Variants in NFKB2 observed in about 807,000 individuals in gnomAD.
NFKB2 encodes nuclear factor NF-kappa-B p100 subunit.
Under a neutral mutation model 109.3 loss-of-function variants are expected in NFKB2, and 21 were observed. The ratio of observed to expected loss-of-function variants is 0.19; its 90% CI spans 0.14 to 0.28. The LOEUF is 0.28. Ranked by LOEUF, NFKB2 falls within the 10% of genes least tolerant of loss-of-function variation. The pLI is 1.00. For synonymous variants in NFKB2, 478 were observed against 489.9 expected, an observed-to-expected ratio of 0.98 and a Z score of 0.32; for missense variants, 806 against 1,185.3, an observed-to-expected ratio of 0.68 and a Z score of 4.70.
At position 102,401,054 on chromosome 10, in the gene NFKB2, GTC is replaced by G; in HGVS notation, c.2071+8_2071+9del. The G allele has an allele frequency of 6.2e-7, 1 of 1,614,094 alleles. No individual in the cohort carries two copies. The highest frequency in any genetic ancestry group is 1.1e-5 in the South Asian group (1 of 91,082). On this transcript the variant is annotated splice_donor_region_variant and intron_variant, in intron 18 of 22. Transcript: ENST00000661543. This position sits in a 1 kb window ranked among gnomAD's most constrained non-coding sequence, Gnocchi z 4.2. ...CCCGCCTCCTTCTGAAGGCTGGTCA[GTC>G]TCACCCTCAGGGGCACTTGAACAGG...
At position 102,401,865 on chromosome 10, in the gene NFKB2, A is replaced by G. The variant is rs954159052; in HGVS notation, c.2414A>G (p.Asp805Gly). ...CGTCTGGGGCTGCGCAGCCTGGTAG[A>G]CACGTACCGACAGACAACCTCACCC... ...AERLGLRSLV[D>G]TYRQTTSPSG... Residue 805 changes from aspartate to glycine, a missense_variant, in exon 21 of 23, where the codon GAC becomes GGC. Asp to Gly is a moderately conservative substitution (Grantham distance 94). Coordinates refer to ENST00000661543, the MANE Select transcript of NFKB2 (RefSeq NM_001322934.2). This position sits in a 1 kb window ranked among gnomAD's most constrained non-coding sequence, Gnocchi z 4.2. 1 of 1,613,874 alleles carries G rather than the reference A, an allele frequency of 6.2e-7. No individual in the cohort carries two copies. The highest frequency in any genetic ancestry group is 8.5e-7 in the Non-Finnish European group (1 of 1,179,920).
chr10:102,402,408 C>T lies in NFKB2; in HGVS notation c.*32C>T, dbSNP rs2061284102. On this transcript the variant is annotated 3_prime_UTR_variant, in exon 23 of 23. Transcript: ENST00000661543. Reference sequence around the variant, plus strand: ...GCCTGCCCCCAGCCCCCTTCCCGGACCCCCTGTACAGCGTCCCCACCTATT... The same window carrying T: ...GCCTGCCCCCAGCCCCCTTCCCGGATCCCCTGTACAGCGTCCCCACCTATT... 8 of 1,336,152 alleles carry T rather than the reference C, an allele frequency of 6.0e-6. No homozygotes were observed. The highest frequency in any genetic ancestry group is 2.2e-4 in the Middle Eastern group (1 of 4,600). The allele number at this position is 1,336,152 out of a possible 1,614,324, so 82.8% of individuals were successfully genotyped here.
Position 102,399,272 on chromosome 10 carries a change from C to G in NFKB2, c.1118-16C>G. On this transcript the variant is annotated splice_polypyrimidine_tract_variant and intron_variant, in intron 12 of 22. Coordinates refer to ENST00000661543, the MANE Select transcript of NFKB2 (RefSeq NM_001322934.2). Reference sequence around the variant, plus strand: ...TGGCTGGTGCCCGCTTCCCACAGCCCTGCCTGTATCCACAGGTGGCAGCCT... The same window carrying G: ...TGGCTGGTGCCCGCTTCCCACAGCCGTGCCTGTATCCACAGGTGGCAGCCT... The G allele has an allele frequency of 1.9e-6, 3 of 1,582,394 alleles. No homozygotes were observed. The highest frequency in any genetic ancestry group is 1.3e-5 in the African/African-American group (1 of 74,138).
Position 102,401,662 on chromosome 10 carries a change from T to C in NFKB2, c.2294-83T>C, listed in dbSNP as rs1335362713. 5.1e-5 allele frequency: 79 copies of C among 1,539,100 alleles called. No homozygotes were observed. Among genetic ancestry groups the C allele is most frequent in the Non-Finnish European group, 6.5e-5 (74 of 1,136,164 alleles). ...TCATGGTCCTGTCTGTCGCTTACCT[T>C]GGGAGAAAGGCAGTGTTCAGGTGTC... On this transcript the variant is annotated intron_variant, in intron 20 of 22. Transcript: ENST00000661543. This position sits in a 1 kb window ranked among gnomAD's most constrained non-coding sequence, Gnocchi z 4.2.
chr10:102,401,668 A>G lies in NFKB2; in HGVS notation c.2294-77A>G. ...TCCTGTCTGTCGCTTACCTTGGGAG[A>G]AAGGCAGTGTTCAGGTGTCCATGTC... On this transcript the variant is annotated intron_variant, in intron 20 of 22. Coordinates refer to ENST00000661543, the MANE Select transcript of NFKB2 (RefSeq NM_001322934.2). The surrounding 1 kb of genome is among the most constrained non-coding windows in gnomAD (Gnocchi z 4.2). 6.5e-7 allele frequency: 1 copy of G among 1,541,810 alleles called. No homozygotes were observed. Among genetic ancestry groups the G allele is most frequent in the South Asian group, 1.2e-5 (1 of 81,664 alleles).
intron 12 of NFKB2, 178 bp downstream of exon 12, chr10:102,399,042 G>T (rs1436406142): frequency 1.0e-5 from 8 of 761,930 alleles, no homozygotes; most frequent in Non-Finnish European, 1.7e-5. Context: ...GTGAAACCTC[G>T]TCTCTACTAA....
chr10:102,398,614 C>A lies in NFKB2; in HGVS notation c.991+91C>A, dbSNP rs2061159065. 1.2e-6 allele frequency: 2 copies of A among 1,609,720 alleles called. No individual in the cohort carries two copies. Among genetic ancestry groups the A allele is most frequent in the African/African-American group, 1.3e-5 (1 of 74,916 alleles). The stretch of plus-strand genomic sequence containing the variant: ...AGAGCTAGATGTGGGGATGCATGAG[C>A]CAAGTCAGAAGTGCGAGGGTCCCAG... On this transcript the variant is annotated intron_variant, in intron 11 of 22. Transcript: ENST00000661543. This position sits in a 1 kb window ranked among gnomAD's most constrained non-coding sequence, Gnocchi z 6.6.
chr10:102,399,215 C>CAA (rs11331332), intron 12 of NFKB2, 73 bp from the exon 13 acceptor site: 5,476 of 1,218,110 alleles, frequency 4.5e-3, no homozygotes, highest in Middle Eastern at 7.8e-3. Flanking sequence ...AACTCCGTCT[C>CAA]AAAAAAAAAA....
At chr10:102,399,937 A>G in intron 14 of NFKB2, 143 bp from the exon 15 acceptor site, 1 of 1,067,500 alleles carries the variant, frequency 9.4e-7, no homozygotes, top group Non-Finnish European at 1.4e-6. Flanking sequence ...GTGCTGCGAA[A>G]CGTTAAGTGC....
Position 102,397,479 on chromosome 10 carries a change from G to A in NFKB2, c.503-48G>A, listed in dbSNP as rs967943237. 4.4e-5 allele frequency: 70 copies of A among 1,608,086 alleles called. No individual in the cohort carries two copies. The highest frequency in any genetic ancestry group is 8.0e-5 in the African/African-American group (6 of 74,840). On this transcript the variant is annotated intron_variant, in intron 7 of 22. Transcript: ENST00000661543. This position sits in a 1 kb window ranked among gnomAD's most constrained non-coding sequence, Gnocchi z 4.7. The stretch of plus-strand genomic sequence containing the variant: ...GGGTCATGGGAGGTGCTCATGGAAG[G>A]AGCAGGGAGGGAGAAGCCCAGGGGT...
Position 102,397,771 on chromosome 10 carries a change from C to A in NFKB2, c.661+86C>A. 1 of 1,512,146 alleles carries A rather than the reference C, an allele frequency of 6.6e-7. No homozygotes were observed. Among genetic ancestry groups the A allele is most frequent in the Non-Finnish European group, 9.0e-7 (1 of 1,112,696 alleles). The allele number at this position is 1,512,146 out of a possible 1,614,324, so 93.7% of individuals were successfully genotyped here. Reference sequence around the variant, plus strand: ...CTCAAGCTGTGCAGTCAAACAGACCCAGGTTTCAGAACCTGGCCCTGCCAC... The same window carrying A: ...CTCAAGCTGTGCAGTCAAACAGACCAAGGTTTCAGAACCTGGCCCTGCCAC... On this transcript the variant is annotated intron_variant, in intron 8 of 22. Transcript: ENST00000661543. This position sits in a 1 kb window ranked among gnomAD's most constrained non-coding sequence, Gnocchi z 4.7.
Position 102,401,474 on chromosome 10 carries a change from C to T in NFKB2, c.2249C>T (p.Ala750Val), listed in dbSNP as rs41293042. The T allele has an allele frequency of 4.7e-4, 764 of 1,613,860 alleles. 1 individual carries two copies. The highest frequency in any genetic ancestry group is 6.3e-4 in the Admixed American group (38 of 60,018). The part of the protein sequence containing the change: ...TKVKTLLLNA[A>V]QNTMEPPLTP... Reference sequence around the variant, plus strand: ...GTGAAGACCTTGCTGCTAAATGCTGCTCAGAACACCATGGAGCCACCCCTG... The same window carrying T: ...GTGAAGACCTTGCTGCTAAATGCTGTTCAGAACACCATGGAGCCACCCCTG... The change falls in exon 20 of 23, where the codon GCT (alanine) becomes GTT (valine). Residue 750 changes from alanine to valine, a missense_variant. This residue lies in a region of NFKB2 where 211 missense variants were observed against 268.7 expected (regional missense o/e 0.79). Transcript: ENST00000661543. The surrounding 1 kb of genome is among the most constrained non-coding windows in gnomAD (Gnocchi z 4.2).
chr10:102,401,368 C>T lies in NFKB2; in HGVS notation c.2223+37C>T, dbSNP rs754954015. The T allele has an allele frequency of 8.7e-6, 14 of 1,609,686 alleles. No homozygotes were observed. Among genetic ancestry groups the T allele is most frequent in the East Asian group, 2.2e-5 (1 of 44,824 alleles). Reference sequence around the variant, plus strand: ...CCGGGACTAGAAGTGCTCTGAGTGACGGGGTCCAGAGTATCTGGACTTAAA... The same window carrying T: ...CCGGGACTAGAAGTGCTCTGAGTGATGGGGTCCAGAGTATCTGGACTTAAA... On this transcript the variant is annotated intron_variant, in intron 19 of 22. Transcript: ENST00000661543. The surrounding 1 kb of genome is among the most constrained non-coding windows in gnomAD (Gnocchi z 4.2).
At chr10:102,402,194 TGGAGGGCC>T in intron 22 of NFKB2, 35 bp downstream of exon 22, 1 of 1,555,168 alleles carries the variant, frequency 6.4e-7, no homozygotes, top group Non-Finnish European at 8.7e-7. Flanking sequence ...GATCTGGACC[TGGAGGGCC>T]GGAGGCCTGA....
chr10:102,394,672 G>A (rs1466615629), upstream of NFKB2: 1 of 152,728 alleles, frequency 6.5e-6, no homozygotes, highest in Non-Finnish European at 1.5e-5. Context: ...TTAGCGGACA[G>A]CGCCTGGGGC....
chr10:102,396,053 T>G lies in NFKB2; in HGVS notation c.21+73T>G, dbSNP rs1010501653. 3 of 1,591,206 alleles carry G rather than the reference T, an allele frequency of 1.9e-6. No homozygotes were observed. The highest frequency in any genetic ancestry group is 1.1e-5 in the South Asian group (1 of 90,684). The stretch of plus-strand genomic sequence containing the variant: ...TGTCCACCTGTCTGCCCGAGCCCCC[T>G]CTGCTGCCTTACACCTGTATGCTCG... On this transcript the variant is annotated intron_variant, in intron 2 of 22. Transcript: ENST00000661543. The surrounding 1 kb of genome is among the most constrained non-coding windows in gnomAD (Gnocchi z 5.9).
rs1292161950 is a variant in NFKB2, at chr10:102,400,810, C to T, written c.1954C>T (p.His652Tyr). 1.1e-5 allele frequency: 17 copies of T among 1,595,686 alleles called. No homozygotes were observed. The highest frequency in any genetic ancestry group is 1.5e-5 in the Non-Finnish European group (17 of 1,170,124). ...TEMEELGLVTHLVTKLRANVN... is the reference protein window; with the variant it reads ...TEMEELGLVTYLVTKLRANVN... ...GATGGAGGAGCTGGGGTTGGTCACC[C>T]ATCTGGTCACCAAGGTGGGACTGAG... Residue 652 changes from histidine to tyrosine, a missense_variant, in exon 17 of 23, where the codon CAT becomes TAT. His to Tyr is a moderately conservative substitution (Grantham distance 83). Transcript: ENST00000661543. This position sits in a 1 kb window ranked among gnomAD's most constrained non-coding sequence, Gnocchi z 6.3.
In NFKB2 at chr10:102,401,471, C is replaced by T. The variant is rs1351094079; in HGVS notation, c.2246C>T (p.Ala749Val). Reference sequence around the variant, plus strand: ...CAGGTGAAGACCTTGCTGCTAAATGCTGCTCAGAACACCATGGAGCCACCC... The same window carrying T: ...CAGGTGAAGACCTTGCTGCTAAATGTTGCTCAGAACACCATGGAGCCACCC... Reference protein sequence around the residue: ...STKVKTLLLNAAQNTMEPPLT... With the variant: ...STKVKTLLLNVAQNTMEPPLT... The change falls in exon 20 of 23, where the codon GCT becomes GTT. Residue 749 changes from alanine (A) to valine (V), a missense_variant. By Grantham distance (64) the Ala-to-Val change is moderately conservative. Transcript: ENST00000661543. This position sits in a 1 kb window ranked among gnomAD's most constrained non-coding sequence, Gnocchi z 4.2. The T allele has an allele frequency of 1.9e-6, 3 of 1,613,878 alleles. No individual in the cohort carries two copies. Among genetic ancestry groups the T allele is most frequent in the Admixed American group, 1.7e-5 (1 of 60,014 alleles).
At chr10:102,395,672 C>G, upstream of NFKB2, 1 of 523,286 alleles carries the variant, frequency 1.9e-6, no homozygotes. Context: ...CCCGCCTCCC[C>G]TTGGTATTTT....
Sources: gnomAD v4.1 joint callset for allele counts on GRCh38, gnomAD v4.1.1 for gene constraint, gnomAD v4.1.1 regional missense constraint, Gnocchi (gnomAD v3.1) non-coding constraint, MANE v1.5 for transcripts, NCBI Gene and HGNC (gene_info 2026-07-23, HGNC 2026-07-21) for gene names.